Variants in MAPK8IP3 observed in about 807,000 individuals in gnomAD.
MAPK8IP3 encodes the protein mitogen-activated protein kinase 8 interacting protein 3, also known as C-Jun-amino-terminal kinase-interacting protein 3.
MAPK8IP3 carries 49 observed loss-of-function variants against 157.8 expected under a neutral mutation model. The observed-to-expected ratio is 0.31, with a 90% CI of 0.25 to 0.39. The LOEUF is 0.39. MAPK8IP3 is among the 10% of genes least tolerant of loss of function. MAPK8IP3 has a pLI of 1.00. For missense variants in MAPK8IP3, 1,478 were observed against 1,889.4 expected, an observed-to-expected ratio of 0.78 and a Z score of 4.04; for synonymous variants, 897 against 777.7, an observed-to-expected ratio of 1.15 and a Z score of -2.55.
At chr16:1,736,852 G>T (rs1489989984) in intron 4 of MAPK8IP3, among the ~76,000 whole-genome samples, 1 of 83,354 alleles carries the variant, frequency 1.2e-5, no homozygotes, top group Non-Finnish European at 2.3e-5. Flanking sequence ...GACCGTCCGT[G>T]TGTGACCGTC....
intron 10 of MAPK8IP3, among the ~76,000 whole-genome samples, chr16:1,759,740 G>A (rs549237504): frequency 1.8e-4 from 27 of 152,338 alleles, no homozygotes; most frequent in African/African-American, 5.3e-4. Flanking sequence ...GACATTGGTC[G>A]GACATGAGAA....
intron 8 of MAPK8IP3, among the ~76,000 whole-genome samples, chr16:1,753,409 A>G (rs1272500957): frequency 6.6e-6 from 1 of 152,002 alleles, no homozygotes; most frequent in African/African-American, 2.4e-5. Context: ...GGTGTGAGCC[A>G]CTGCACCCAG....
At chr16:1,752,363 C>T in intron 8 of MAPK8IP3, 1 of 248,398 alleles carries the variant, frequency 4.0e-6, no homozygotes, top group South Asian at 3.2e-5. Flanking sequence ...CTGGGCATCG[C>T]CGAGCTCAGG....
chr16:1,760,458 C>G lies in MAPK8IP3; in HGVS notation c.1383C>G (p.Gly461=). 1 of 1,613,866 alleles carries G rather than the reference C, an allele frequency of 6.2e-7. No homozygotes were observed. Among genetic ancestry groups the G allele is most frequent in the South Asian group, 1.1e-5 (1 of 91,070 alleles). The change falls in exon 12 of 32, where the codon GGC becomes GGG. Residue 461 remains glycine (G), a synonymous_variant. Transcript: ENST00000610761. ...CCGGGGAGCAGGAGGTGCTGAGGGG[C>G]GAGTTGGAGGCTGCTAAGCAGGCCA... ...QLSGEQEVLR[G]ELEAAKQAKV...
At position 1,768,898 on chromosome 16, in the gene MAPK8IP3, G is replaced by C; in HGVS notation, c.*74G>C. ...TGACCCCCGCCCGGCCCGCGGGGTA[G>C]CCAGCCAGGCGCCGCCGCCCCTCTT... is the stretch of plus-strand genomic sequence containing the variant. On this transcript the variant is annotated 3_prime_UTR_variant, in exon 32 of 32. Coordinates refer to ENST00000610761, the MANE Select transcript of MAPK8IP3 (RefSeq NM_001318852.2). 1 of 1,554,754 alleles carries C rather than the reference G, an allele frequency of 6.4e-7. No homozygotes were observed. Among genetic ancestry groups the C allele is most frequent in the Non-Finnish European group, 8.7e-7 (1 of 1,146,192 alleles).
chr16:1,762,226 T>G, intron 13 of MAPK8IP3, 125 bp from the exon 14 acceptor site: 1 of 1,318,032 alleles, frequency 7.6e-7, no homozygotes, highest in Non-Finnish European at 1.0e-6. Flanking sequence ...CCACACCGCT[T>G]CTTGCCTGAG....
At chr16:1,745,802 G>A (rs1432438525) in intron 5 of MAPK8IP3, 3 of 152,300 alleles carry the variant, frequency 2.0e-5, no homozygotes, top group Non-Finnish European at 4.4e-5. Flanking sequence ...AGAAACTTAG[G>A]AGCCTGGTAG....
At chr16:1,729,076 C>T (rs1171054294) in intron 2 of MAPK8IP3, 62 bp from the exon 3 acceptor site, 1 of 1,515,782 alleles carries the variant, frequency 6.6e-7, no homozygotes, top group African/African-American at 1.4e-5. Flanking sequence ...TGGTTACAAC[C>T]CAAGAGTTCA....
rs1475057026 is a variant in MAPK8IP3, at chr16:1,751,492, T to A, written c.1216+2772T>A. 5.3e-5 allele frequency: 8 copies of A among 151,384 alleles called. No homozygotes were observed. The highest frequency in any genetic ancestry group is 1.9e-4 in the African/African-American group (8 of 41,194). 9.4% of individuals were successfully genotyped at this position (151,384 alleles called of 1,614,324 possible). ...AAAACTGAGGTCAGGGAGGGTGAGA[T>A]GACGGTGAGAGCTCGGACTTGAACG... is the stretch of plus-strand genomic sequence containing the variant. On this transcript the variant is annotated intron_variant, in intron 8 of 31. Coordinates refer to ENST00000610761, the MANE Select transcript of MAPK8IP3 (RefSeq NM_001318852.2). The surrounding 1 kb of genome is among the most constrained non-coding windows in gnomAD (Gnocchi z 5.0).
chr16:1,712,838 C>G (rs2037881289), intron 1 of MAPK8IP3, among the ~76,000 whole-genome samples: 1 of 152,222 alleles, frequency 6.6e-6, no homozygotes, highest in Non-Finnish European at 1.5e-5. Flanking sequence ...AGTGCACCTG[C>G]AGAGAAGCCC....
Position 1,760,383 on chromosome 16 carries a change from C to T in MAPK8IP3, c.1308C>T (p.Asn436=), listed in dbSNP as rs765738146. The T allele has an allele frequency of 2.4e-5, 39 of 1,608,396 alleles. No individual in the cohort carries two copies. Among genetic ancestry groups the T allele is most frequent in the East Asian group, 4.5e-5 (2 of 44,772 alleles). ...LENSQLLETK[N]ALNVVKNDLI... is the part of the protein sequence containing the mutation. ...CCATCTTTCTGCTTTTTCAAAGAAA[C>T]GCCTTGAATGTGGTGAAGAATGACC... The change falls in exon 12 of 32, where the codon AAC becomes AAT. Residue 436 remains asparagine, a synonymous_variant. Transcript: ENST00000610761.
Position 1,762,664 on chromosome 16 carries a change from C to A in MAPK8IP3, c.1671-11C>A. The A allele has an allele frequency of 6.5e-7, 1 of 1,544,630 alleles. No individual in the cohort carries two copies. Among genetic ancestry groups the A allele is most frequent in the Non-Finnish European group, 8.7e-7 (1 of 1,143,828 alleles). On this transcript the variant is annotated splice_polypyrimidine_tract_variant and intron_variant, in intron 14 of 31. Coordinates refer to ENST00000610761, the MANE Select transcript of MAPK8IP3 (RefSeq NM_001318852.2). The stretch of plus-strand genomic sequence containing the variant: ...GCACTAGCAGGTTGCTCCCTGTGCC[C>A]TCCCCTGCAGAGCGTCCCGAGAGCA...
intron 17 of MAPK8IP3, 59 bp downstream of exon 17, chr16:1,763,842 G>A: frequency 7.9e-7 from 1 of 1,263,064 alleles, no homozygotes; most frequent in Non-Finnish European, 1.0e-6. Context: ...CGGGGGTAAG[G>A]GGCGGGGCGC....
At chr16:1,729,117 G>T in intron 2 of MAPK8IP3, 21 bp from the exon 3 acceptor site, 1 of 1,612,048 alleles carries the variant, frequency 6.2e-7, no homozygotes, top group Non-Finnish European at 8.5e-7. Context: ...GTGCGGCTCA[G>T]ACAGTGATTG....
chr16:1,761,304 C>T lies in MAPK8IP3; in HGVS notation c.1538C>T (p.Ser513Leu), dbSNP rs779555091. The change falls in exon 13 of 32, where the codon TCG (serine) becomes TTG (leucine). Residue 513 changes from serine to leucine, a missense_variant and splice_region_variant. By Grantham distance (145) the Ser-to-Leu change is moderately radical (BLOSUM62 -2). This residue lies in a region of MAPK8IP3 where 96 missense variants were observed against 106.3 expected (regional missense o/e 0.90). Coordinates refer to ENST00000610761, the MANE Select transcript of MAPK8IP3 (RefSeq NM_001318852.2). ...EDVSSYLCTE[S>L]DKIPMAQRRR... is the part of the protein sequence containing the mutation. ...GTAAGCAGCTATCTCTGTACAGAATCGGTACATCCACTCTTCACTCTTCAC... is the reference window on the plus strand; with the variant it reads ...GTAAGCAGCTATCTCTGTACAGAATTGGTACATCCACTCTTCACTCTTCAC... The T allele has an allele frequency of 3.1e-6, 5 of 1,613,042 alleles. No homozygotes were observed. Among genetic ancestry groups the T allele is most frequent in the Non-Finnish European group, 1.7e-6 (2 of 1,179,834 alleles).
chr16:1,722,300 C>G (rs987637943), intron 1 of MAPK8IP3, among the ~76,000 whole-genome samples: 1 of 152,186 alleles, frequency 6.6e-6, no homozygotes, highest in African/African-American at 2.4e-5. Context: ...CTGCCTGCCC[C>G]TCCCGCCTCT....
At chr16:1,767,390 C>A in intron 26 of MAPK8IP3, 93 bp downstream of exon 26, 1 of 1,556,740 alleles carries the variant, frequency 6.4e-7, no homozygotes, top group African/African-American at 1.4e-5. Context: ...CGAGGCCCTA[C>A]GTGGGTCCCA....
rs35088243 is a variant in MAPK8IP3 at position 1,754,758 on chromosome 16, C to CA, written c.1217-3375dup. Among the ~76,000 whole-genome samples, 999 of 103,932 alleles carry CA rather than the reference C, an allele frequency of 9.6e-3. 3 individuals are homozygous for CA. The highest frequency in any genetic ancestry group is 0.012 in the Admixed American group (112 of 8,992). 68.2% of individuals were successfully genotyped at this position (103,932 alleles called of 152,430 possible). Reference sequence around the variant, plus strand: ...TGCACTCCAGAGCGAGACTCCGTCTCAAAAAAAAAAAAAAAGAAGAAGAAA... The same window carrying CA: ...TGCACTCCAGAGCGAGACTCCGTCTCAAAAAAAAAAAAAAAAGAAGAAGAAA... On this transcript the variant is annotated intron_variant, in intron 8 of 31. Transcript: ENST00000610761.
intron 4 of MAPK8IP3, among the ~76,000 whole-genome samples, chr16:1,734,259 C>T (rs888698261): frequency 1.4e-4 from 21 of 152,368 alleles, no homozygotes; most frequent in African/African-American, 4.3e-4. Flanking sequence ...GAGGCCCTGA[C>T]GGGAGCATGC....
Sources: allele counts gnomAD v4.1 joint callset (sites outside exome capture counted in the v4.1 genomes callset), GRCh38; gene constraint gnomAD v4.1.1; regional missense constraint gnomAD v4.1.1; non-coding constraint Gnocchi (gnomAD v3.1); transcripts MANE v1.5; gene names NCBI Gene and HGNC (gene_info 2026-07-23, HGNC 2026-07-21).